KCNQ3: variants seen among roughly 807,000 people sequenced by gnomAD.
KCNQ3 encodes the protein potassium voltage-gated channel subfamily KQT member 3.
In KCNQ3, 30 loss-of-function variants were observed where a neutral mutation model predicts 92.5. The observed-to-expected ratio is 0.32, with a 90% CI of 0.24 to 0.44. The LOEUF is 0.44. Among genes scored for constraint, KCNQ3 ranks in the 20% least tolerant of loss-of-function variants. The pLI is 1.00. For synonymous variants in KCNQ3, 450 were observed against 468.8 expected (o/e 0.96, Z 0.52); for missense variants, 913 against 1,140.3 (o/e 0.80, Z 2.87).
chr8:132,161,672 A>T (rs1185982708), intron 9 of KCNQ3, among the ~76,000 whole-genome samples: 2 of 152,132 alleles, frequency 1.3e-5, no homozygotes, highest in Non-Finnish European at 2.9e-5. Flanking sequence ...AAAGAAAAAA[A>T]AAAGAAATAT....
intron 1 of KCNQ3, among the ~76,000 whole-genome samples, chr8:132,427,439 G>C (rs1335050765): frequency 6.6e-6 from 1 of 152,186 alleles, no homozygotes; most frequent in Non-Finnish European, 1.5e-5. Context: ...CTGACCTCAG[G>C]AAGGAGAGAG....
chr8:132,412,129 G>A (rs1820667808), intron 1 of KCNQ3, among the ~76,000 whole-genome samples: 1 of 152,208 alleles, frequency 6.6e-6, no homozygotes, highest in Non-Finnish European at 1.5e-5. Flanking sequence ...CACAGGGCAT[G>A]CAGCAGGGCT....
intron 1 of KCNQ3, among the ~76,000 whole-genome samples, chr8:132,361,312 C>T (rs1040904339): frequency 6.6e-6 from 1 of 152,190 alleles, no homozygotes; most frequent in Non-Finnish European, 1.5e-5. Context: ...CGAACCTCCT[C>T]AGCTCCTCAC....
intron 1 of KCNQ3, among the ~76,000 whole-genome samples, chr8:132,373,810 C>G (rs573357787): frequency 3.9e-5 from 6 of 152,298 alleles, no homozygotes; most frequent in Non-Finnish European, 8.8e-5. Flanking sequence ...ATGAGTCCTC[C>G]CTGCCCAGCT....
chr8:132,142,158 T>C (rs940766888), intron 9 of KCNQ3, among the ~76,000 whole-genome samples: 3 of 152,360 alleles, frequency 2.0e-5, no homozygotes, highest in African/African-American at 4.8e-5. Flanking sequence ...CTTTTGTATA[T>C]TGTATTTTGT....
Position 132,294,606 on chromosome 8 carries a change from C to T in KCNQ3, c.387-108425G>A, listed in dbSNP as rs999198190. Among the ~76,000 whole-genome samples the T allele has an allele frequency of 2.0e-4, 30 of 152,088 alleles. 1 individual carries two copies. The highest frequency in any genetic ancestry group is 1.8e-3 in the Admixed American group (28 of 15,266). On this transcript the variant is annotated intron_variant, in intron 1 of 14. Coordinates refer to ENST00000388996, the MANE Select transcript of KCNQ3 (RefSeq NM_004519.4). The stretch of plus-strand genomic sequence containing the variant: ...ACAACTTTCATAAGTTCTTGTGGAA[C>T]GTTTGGTGAGATACTCTGTATTTTG...
chr8:132,454,978 C>T (rs1821905790), intron 1 of KCNQ3, among the ~76,000 whole-genome samples: 1 of 152,094 alleles, frequency 6.6e-6, no homozygotes, highest in African/African-American at 2.4e-5. Context: ...GTTAAAATCA[C>T]AGACAGAAAG....
At chr8:132,243,367 A>G (rs913775264) in intron 1 of KCNQ3, among the ~76,000 whole-genome samples, 6 of 152,178 alleles carry the variant, frequency 3.9e-5, no homozygotes, top group Non-Finnish European at 7.3e-5. Context: ...ATTATGCCCA[A>G]TGCTTCCTGG....
At chr8:132,248,939 T>G (rs1815288338) in intron 1 of KCNQ3, among the ~76,000 whole-genome samples, 2 of 152,286 alleles carry the variant, frequency 1.3e-5, no homozygotes, top group South Asian at 4.1e-4. Flanking sequence ...CTCACTGACT[T>G]CAAGAATGAA....
intron 12 of KCNQ3, among the ~76,000 whole-genome samples, chr8:132,135,050 A>G (rs1459603974): frequency 2.0e-5 from 3 of 152,122 alleles, no homozygotes; most frequent in Non-Finnish European, 4.4e-5. Flanking sequence ...AACATGTGTC[A>G]TGGGGGTTAT....
intron 1 of KCNQ3, among the ~76,000 whole-genome samples, chr8:132,477,722 C>T (rs1822448253): frequency 6.6e-6 from 1 of 152,204 alleles, no homozygotes; most frequent in African/African-American, 2.4e-5. Flanking sequence ...CAGCCCCCAA[C>T]TTGATTCTAA....
rs1242518555 is a variant in KCNQ3, at chr8:132,480,470, T to G, written c.63A>C (p.Gly21=). ...AAGGGGDGGG[G]GGGAANPAGG... is the part of the protein sequence containing the mutation. ...CGGCTGGGTTAGCCGCCCCGCCGCC[T>G]CCGCCGCCCCCGTCGCCGCCGCCGC... is the stretch of plus-strand genomic sequence containing the variant. The change falls in exon 1 of 15, where the codon GGA becomes GGC. Residue 21 remains glycine (G), a synonymous_variant. Coordinates refer to ENST00000388996, the MANE Select transcript of KCNQ3 (RefSeq NM_004519.4). 3 of 1,243,674 alleles carry G rather than the reference T, an allele frequency of 2.4e-6. No homozygotes were observed. Among genetic ancestry groups the G allele is most frequent in the Non-Finnish European group, 3.0e-6 (3 of 999,756 alleles). The allele number at this position is 1,243,674 out of a possible 1,614,324, so 77.0% of individuals were successfully genotyped here. A position where few individuals can be genotyped will look rare whatever the true frequency, so the allele number is the denominator to read the frequency against.
At chr8:132,241,758 G>A (rs769977511) in intron 1 of KCNQ3, among the ~76,000 whole-genome samples, 3 of 152,034 alleles carry the variant, frequency 2.0e-5, no homozygotes, top group Non-Finnish European at 4.4e-5. Flanking sequence ...CACTTGAACT[G>A]GGGAGGCAGA....
At chr8:132,440,262 T>A (rs1002668700) in intron 1 of KCNQ3, among the ~76,000 whole-genome samples, 2 of 152,194 alleles carry the variant, frequency 1.3e-5, no homozygotes, top group Non-Finnish European at 2.9e-5. Context: ...CTGCTCAAAG[T>A]CATCTTAACA....
chr8:132,296,178 G>T (rs1274442987), intron 1 of KCNQ3, among the ~76,000 whole-genome samples: 1 of 152,220 alleles, frequency 6.6e-6, no homozygotes, highest in Admixed American at 6.5e-5. Flanking sequence ...ATATTGGGCA[G>T]TGCAGAACAG....
chr8:132,148,239 G>A (rs1443593749), intron 9 of KCNQ3, among the ~76,000 whole-genome samples: 1 of 151,982 alleles, frequency 6.6e-6, no homozygotes, highest in Non-Finnish European at 1.5e-5. Context: ...TGAAGAAGAT[G>A]ATGGTAATTT....
At chr8:132,162,174 CATCT>C (rs1248686453) in intron 9 of KCNQ3, among the ~76,000 whole-genome samples, 3 of 152,176 alleles carry the variant, frequency 2.0e-5, no homozygotes, top group Non-Finnish European at 4.4e-5. Context: ...CCTCAAAATG[CATCT>C]ATCTGAGCCC....
At chr8:132,201,277 T>C (rs1258250488) in intron 1 of KCNQ3, among the ~76,000 whole-genome samples, 3 of 152,196 alleles carry the variant, frequency 2.0e-5, no homozygotes, top group African/African-American at 7.2e-5. Context: ...ACCCTTTACT[T>C]GCCAAATTCA....
At chr8:132,239,531 A>G (rs1814920712) in intron 1 of KCNQ3, among the ~76,000 whole-genome samples, 1 of 152,288 alleles carries the variant, frequency 6.6e-6, no homozygotes, top group South Asian at 2.1e-4. Flanking sequence ...GATTGTTAGT[A>G]CTCCAGGAAG....
Sources: allele counts gnomAD v4.1 joint callset (sites outside exome capture counted in the v4.1 genomes callset), GRCh38; gene constraint gnomAD v4.1.1; transcripts MANE v1.5; gene names NCBI Gene and HGNC (gene_info 2026-07-23, HGNC 2026-07-21).